Variants in AGMO observed in about 807,000 individuals in gnomAD.
AGMO encodes the protein glyceryl-ether monooxygenase.
Under a neutral mutation model 60.2 loss-of-function variants are expected in AGMO, and 75 were observed. The observed-to-expected ratio is 1.25, with a 90% CI of 1.03 to 1.51. AGMO has a LOEUF of 1.51. AGMO is among the 40% of genes most tolerant of loss of function. The pLI is 0.00. For missense variants in AGMO, 763 were observed against 525.5 expected (o/e 1.45, Z -4.42); for synonymous variants, 261 against 177.1 (o/e 1.47, Z -3.76).
chr7:15,384,354 G>C (rs892844223), intron 10 of AGMO, among the ~76,000 whole-genome samples: 1 of 152,106 alleles, frequency 6.6e-6, no homozygotes, highest in African/African-American at 2.4e-5. Context: ...AAAAATGACA[G>C]CTAGGACAAC....
chr7:15,557,737 A>G lies in AGMO; in HGVS notation c.257+2404T>C, dbSNP rs371750968. Among the ~76,000 whole-genome samples, 9 of 152,162 alleles carry G rather than the reference A, an allele frequency of 5.9e-5. No homozygotes were observed. The East Asian group carries it at 1.5e-3, about 26-fold the overall frequency. On this transcript the variant is annotated intron_variant, in intron 2 of 12. Coordinates refer to ENST00000342526, the MANE Select transcript of AGMO (RefSeq NM_001004320.2). ...TGTAAAAGAGAAAATTCCTTGAAAA[A>G]CTTTTTAAAAATCCACATTTCATAA...
intron 12 of AGMO, among the ~76,000 whole-genome samples, chr7:15,362,203 A>C (rs1220957125): frequency 6.6e-6 from 1 of 152,156 alleles, no homozygotes; most frequent in Non-Finnish European, 1.5e-5. Flanking sequence ...AAGTTTTAAG[A>C]GATACAAATA....
intron 12 of AGMO, among the ~76,000 whole-genome samples, chr7:15,340,331 G>C (rs1054566446): frequency 1.3e-5 from 2 of 152,118 alleles, no homozygotes; most frequent in South Asian, 2.1e-4. Context: ...TTAGATTTTG[G>C]AGTATGTCAG....
At chr7:15,417,487 T>C (rs1054037437) in intron 5 of AGMO, among the ~76,000 whole-genome samples, 1 of 152,140 alleles carries the variant, frequency 6.6e-6, no homozygotes, top group Non-Finnish European at 1.5e-5. Flanking sequence ...AACCCCTCCA[T>C]GTAAATCATC....
intron 12 of AGMO, among the ~76,000 whole-genome samples, chr7:15,324,105 T>C (rs1361429180): frequency 6.6e-6 from 1 of 152,204 alleles, no homozygotes; most frequent in Non-Finnish European, 1.5e-5. Flanking sequence ...AAGACTACTT[T>C]AAGCCAATGT....
chr7:15,484,604 A>G (rs946143038), intron 3 of AGMO, among the ~76,000 whole-genome samples: 1 of 152,186 alleles, frequency 6.6e-6, no homozygotes, highest in Non-Finnish European at 1.5e-5. Context: ...AAAACTACCA[A>G]GTAGGTATTC....
intron 3 of AGMO, among the ~76,000 whole-genome samples, chr7:15,515,930 G>A (rs1200073680): frequency 6.6e-6 from 1 of 152,104 alleles, no homozygotes; most frequent in Non-Finnish European, 1.5e-5. Flanking sequence ...TAAAATTTCA[G>A]TTAGACAGGA....
intron 3 of AGMO, among the ~76,000 whole-genome samples, chr7:15,505,689 A>G (rs1048306932): frequency 3.3e-5 from 5 of 152,022 alleles, no homozygotes. Context: ...AAAAAAACAA[A>G]CTAATGTTAA....
intron 12 of AGMO, among the ~76,000 whole-genome samples, chr7:15,297,617 C>G (rs534619321): frequency 6.6e-6 from 1 of 152,274 alleles, no homozygotes; most frequent in South Asian, 2.1e-4. Flanking sequence ...ATAAAAATAT[C>G]TAACTAGCTT....
intron 10 of AGMO, among the ~76,000 whole-genome samples, chr7:15,367,788 T>C (rs1391242513): frequency 6.6e-6 from 1 of 152,112 alleles, no homozygotes. Context: ...AGAGGTGTGA[T>C]ACAACAGATT....
At chr7:15,317,578 A>T (rs1780963634) in intron 12 of AGMO, among the ~76,000 whole-genome samples, 1 of 152,116 alleles carries the variant, frequency 6.6e-6, no homozygotes, top group South Asian at 2.1e-4. Flanking sequence ...CATTTTAAAC[A>T]CCTTTTAAAT....
At chr7:15,210,364 T>C (rs1781554210) in intron 12 of AGMO, among the ~76,000 whole-genome samples, 1 of 152,136 alleles carries the variant, frequency 6.6e-6, no homozygotes, top group Non-Finnish European at 1.5e-5. Context: ...GTACATAAGA[T>C]CCTCTGCTAA....
chr7:15,187,188 A>G, the AGMO span, among the ~76,000 whole-genome samples: 38 of 152,224 alleles, frequency 2.5e-4, 1 homozygote, highest in Admixed American at 2.4e-3. Context: ...TGCTTTTAAA[A>G]TAAGAGTTGC....
chr7:15,255,683 C>T (rs1783076489), intron 12 of AGMO, among the ~76,000 whole-genome samples: 2 of 152,138 alleles, frequency 1.3e-5, no homozygotes, highest in East Asian at 1.9e-4. Context: ...TTTTATTCAT[C>T]CCAGAGACGC....
At chr7:15,348,133 A>C (rs1782101330) in intron 12 of AGMO, among the ~76,000 whole-genome samples, 1 of 152,100 alleles carries the variant, frequency 6.6e-6, no homozygotes, top group Admixed American at 6.6e-5. Flanking sequence ...GAAAGAACAC[A>C]GAATCCCTAT....
rs370727049 is a variant in AGMO at position 15,291,728 on chromosome 7, A to T, written c.1263+73786T>A. Among the ~76,000 whole-genome samples the T allele has an allele frequency of 2.0e-5, 3 of 152,340 alleles. No homozygotes were observed. The East Asian group carries it at 5.8e-4, about 29-fold the overall frequency. Reference sequence around the variant, plus strand: ...AACAGGATTCACGGCCTAGCACAGAAGATGAACATATAAATGCATCGTAGA... The same window carrying T: ...AACAGGATTCACGGCCTAGCACAGATGATGAACATATAAATGCATCGTAGA... On this transcript the variant is annotated intron_variant, in intron 12 of 12. Coordinates refer to ENST00000342526, the MANE Select transcript of AGMO (RefSeq NM_001004320.2).
At chr7:15,220,179 G>A (rs1781873841) in intron 12 of AGMO, among the ~76,000 whole-genome samples, 1 of 145,334 alleles carries the variant, frequency 6.9e-6, no homozygotes, top group Non-Finnish European at 1.5e-5. Context: ...AATGGCAACT[G>A]AACATCTTAT....
At chr7:15,318,479 C>A (rs1435640287) in intron 12 of AGMO, among the ~76,000 whole-genome samples, 1 of 152,046 alleles carries the variant, frequency 6.6e-6, no homozygotes. Flanking sequence ...TCTTACTGAT[C>A]TTGAAATCCT....
At chr7:15,558,016 TCTC>T (rs1232369930) in intron 2 of AGMO, among the ~76,000 whole-genome samples, 1 of 127,234 alleles carries the variant, frequency 7.9e-6, no homozygotes, top group African/African-American at 2.8e-5. Flanking sequence ...TCTCTCTCTC[TCTC>T]CCCCCTTTCC....
Sources: allele counts gnomAD v4.1 joint callset (sites outside exome capture counted in the v4.1 genomes callset), GRCh38; gene constraint gnomAD v4.1.1; transcripts MANE v1.5; gene names NCBI Gene and HGNC (gene_info 2026-07-23, HGNC 2026-07-21).